The following KALRN variants were observed in gnomAD, a reference collection of about 807,000 sequenced individuals.
KALRN encodes the protein kalirin RhoGEF kinase, also known as kalirin.
KALRN carries 70 observed loss-of-function variants against 353.7 expected under a neutral mutation model. The ratio of observed to expected loss-of-function variants is 0.20; its 90% confidence interval spans 0.16 to 0.24. KALRN has a LOEUF of 0.24. Among genes scored for constraint, KALRN ranks in the 10% least tolerant of loss-of-function variants. The probability of loss-of-function intolerance (pLI) is 1.00; values close to 1 mark genes in which losing one functional copy is unlikely to be tolerated. For synonymous variants in KALRN, 1,391 were observed against 1,434.8 expected (o/e 0.97, Z 0.69); for missense variants, 2,791 against 3,756.7 (o/e 0.74, Z 6.72).
Position 124,334,342 on chromosome 3 carries a change from C to A in KALRN, c.1494C>A (p.Ala498=). The A allele has an allele frequency of 6.2e-7, 1 of 1,614,256 alleles. No homozygotes were observed. Among genetic ancestry groups the A allele is most frequent in the Non-Finnish European group, 8.5e-7 (1 of 1,180,048 alleles). ...CTGGGAACTCCGAATCCCTCACGGC[C>A]ACAGCCAACTACTCCAAGGCAGTGC... ...LSPGNSESLT[A]TANYSKAVHQ... is the part of the protein sequence containing the mutation. The change falls in exon 9 of 60, where the codon GCC becomes GCA. Residue 498 remains alanine (A), a synonymous_variant. Transcript: ENST00000682506. The surrounding 1 kb of genome is among the most constrained non-coding windows in gnomAD (Gnocchi z 4.2).
chr3:124,448,331 C>G (rs2093907959), intron 21 of KALRN, among the ~76,000 whole-genome samples: 1 of 152,040 alleles, frequency 6.6e-6, no homozygotes, highest in South Asian at 2.1e-4. Context: ...TGCTATTCAT[C>G]TTTAAAATGC....
intron 1 of KALRN, chr3:124,096,091 G>A (rs1051290572): frequency 5.3e-5 from 8 of 151,808 alleles, no homozygotes; most frequent in African/African-American, 1.9e-4. Flanking sequence ...GCGTTAAGAA[G>A]GGCATCAGAA....
intron 49 of KALRN, 199 bp downstream of exon 49, chr3:124,674,813 T>C: frequency 4.4e-6 from 2 of 456,256 alleles, no homozygotes; most frequent in Non-Finnish European, 3.7e-6. Flanking sequence ...AGTTTTTTAG[T>C]TGGTGGTGGC....
intron 34 of KALRN, 121 bp from the exon 35 acceptor site, chr3:124,632,299 A>T: frequency 1.1e-6 from 1 of 918,150 alleles, no homozygotes; most frequent in Non-Finnish European, 1.7e-6. Flanking sequence ...ACTGGGGTCT[A>T]CAGCTGGCCT....
In KALRN at chr3:124,574,296, A is replaced by T. The variant is rs995758980; in HGVS notation, c.5182+11207A>T. ...CTGAAGCAGGAAGACCCAGGTGTCC[A>T]TGGAAAGAGCTGGTCTCTCTGGGTC... On this transcript the variant is annotated intron_variant, in intron 34 of 59. Coordinates refer to ENST00000682506, the MANE Select transcript of KALRN (RefSeq NM_001388419.1). 2.0e-5 allele frequency among the ~76,000 whole-genome samples: 3 copies of T among 152,354 alleles called. No individual in the cohort carries two copies. In the South Asian group the frequency reaches 6.2e-4, roughly 32 times the overall value.
chr3:124,357,577 T>G (rs2083562050), intron 10 of KALRN, among the ~76,000 whole-genome samples: 1 of 152,182 alleles, frequency 6.6e-6, no homozygotes, highest in South Asian at 2.1e-4. Flanking sequence ...GTCTCCTTAA[T>G]CCTTCTCACT....
chr3:124,482,043 G>C (rs1003888895), intron 27 of KALRN, among the ~76,000 whole-genome samples: 1 of 152,194 alleles, frequency 6.6e-6, no homozygotes, highest in Non-Finnish European at 1.5e-5. Context: ...GTAGGATAGA[G>C]AGTAGATTAA....
intron 10 of KALRN, chr3:124,384,635 G>C (rs936190985): frequency 4.2e-6 from 2 of 473,160 alleles, no homozygotes; most frequent in Non-Finnish European, 3.8e-6. Flanking sequence ...AAATCCCAGG[G>C]GTGGATGAGG....
intron 8 of KALRN, among the ~76,000 whole-genome samples, chr3:124,331,700 A>G (rs904540805): frequency 3.9e-5 from 6 of 152,222 alleles, no homozygotes; most frequent in Admixed American, 3.9e-4. Context: ...AAATACAAAT[A>G]TAGAGAGTAC....
rs79358739 is a variant in KALRN at position 124,250,063 on chromosome 3, G to C, written c.264-14435G>C. On this transcript the variant is annotated intron_variant, in intron 3 of 59. Transcript: ENST00000682506. ...GTAAAACCCAGTGGGCATGGCCTGG[G>C]GGGGGTGGCTTTGTGTGGCGTGTTG... Among the ~76,000 whole-genome samples the C allele has an allele frequency of 5.3e-4, 81 of 152,272 alleles. No individual in the cohort carries two copies. In the East Asian group the frequency reaches 0.013, roughly 25 times the overall value.
chr3:124,404,890 A>G (rs1396313416), intron 13 of KALRN, among the ~76,000 whole-genome samples: 2 of 152,056 alleles, frequency 1.3e-5, no homozygotes, highest in African/African-American at 4.8e-5. Flanking sequence ...TTTTTCTTCC[A>G]TAAAAACCAT....
chr3:124,552,353 C>T (rs4995326), intron 33 of KALRN, among the ~76,000 whole-genome samples: 55,750 of 152,070 alleles, frequency 0.37, 10,804 homozygotes, highest in African/African-American at 0.49. Context: ...ACAGGCTGCC[C>T]GTCCCCAGAT....
intron 34 of KALRN, among the ~76,000 whole-genome samples, chr3:124,566,504 C>CAA (rs3057177): frequency 1.5e-5 from 2 of 136,328 alleles, no homozygotes; most frequent in African/African-American, 2.7e-5. Flanking sequence ...AACCCTGTCT[C>CAA]AAAAAAAAAA....
At chr3:124,300,700 A>G (rs1224188507) in intron 6 of KALRN, among the ~76,000 whole-genome samples, 1 of 152,226 alleles carries the variant, frequency 6.6e-6, no homozygotes, top group Admixed American at 6.5e-5. Flanking sequence ...TAGCACACTG[A>G]AAGATGTTAG....
chr3:124,539,922 T>TTTGGG (rs760016132), intron 33 of KALRN, among the ~76,000 whole-genome samples: 26 of 131,906 alleles, frequency 2.0e-4, no homozygotes, highest in Non-Finnish European at 3.0e-4. Flanking sequence ...TAATTTTTTT[T>TTTGGG]GGGGGGGGGG....
chr3:124,671,505 G>A (rs60467114), intron 47 of KALRN, among the ~76,000 whole-genome samples, 155 bp from the exon 48 acceptor site: 4,245 of 152,234 alleles, frequency 0.028, 80 homozygotes, highest in East Asian at 0.079. Context: ...CATTATTTAG[G>A]TAGATGTCTT....
At chr3:124,270,730 G>C (rs753474168) in intron 5 of KALRN, among the ~76,000 whole-genome samples, 2 of 152,076 alleles carry the variant, frequency 1.3e-5, no homozygotes, top group Non-Finnish European at 2.9e-5. Flanking sequence ...CGAGTGATTA[G>C]ATGCCAAGGC....
intron 6 of KALRN, among the ~76,000 whole-genome samples, chr3:124,315,033 G>A (rs2078673704): frequency 6.6e-6 from 1 of 152,112 alleles, no homozygotes; most frequent in African/African-American, 2.4e-5. Context: ...TATTCATAAG[G>A]GATCTGTCCC....
intron 43 of KALRN, 112 bp from the exon 44 acceptor site, chr3:124,660,811 C>A: frequency 1.3e-6 from 1 of 755,058 alleles, no homozygotes; most frequent in Admixed American, 2.0e-5. Context: ...GCCACTTCTG[C>A]TGGGAAGGAA....
Sources: allele counts gnomAD v4.1 joint callset (sites outside exome capture counted in the v4.1 genomes callset), GRCh38; gene constraint gnomAD v4.1.1; non-coding constraint Gnocchi (gnomAD v3.1); transcripts MANE v1.5; gene names NCBI Gene and HGNC (gene_info 2026-07-23, HGNC 2026-07-21).